CERS5: variants seen among roughly 807,000 people sequenced by gnomAD.
The protein encoded by CERS5 is LAG1 homolog, ceramide synthase 5.
CERS5 carries 37 observed loss-of-function variants against 58.9 expected under a neutral mutation model. That is an observed-to-expected ratio of 0.63 (90% CI 0.48 to 0.83). The LOEUF is 0.83. Among genes scored for constraint, CERS5 ranks in the 40% least tolerant of loss-of-function variants. The pLI, the probability that CERS5 is intolerant of heterozygous loss-of-function variation, is 0.00. For synonymous variants in CERS5, 147 were observed against 177.8 expected (o/e 0.83, Z 1.38); for missense variants, 398 against 489.3 (o/e 0.81, Z 1.76).
At chr12:50,137,590 C>T (rs752153335) in intron 6 of CERS5, 138 bp downstream of exon 6, 26 of 557,218 alleles carry the variant, frequency 4.7e-5, no homozygotes, top group African/African-American at 1.6e-4. Context: ...GGGAACATTA[C>T]GACAAGCTAA....
chr12:50,160,940 C>T (rs928727497), intron 1 of CERS5, among the ~76,000 whole-genome samples: 1 of 152,172 alleles, frequency 6.6e-6, no homozygotes, highest in Non-Finnish European at 1.5e-5. Flanking sequence ...AACATGCAAA[C>T]ATAGTATGGT....
chr12:50,166,877 T>TA (rs1426143086), intron 1 of CERS5, among the ~76,000 whole-genome samples: 2 of 152,234 alleles, frequency 1.3e-5, no homozygotes, highest in East Asian at 3.9e-4. Flanking sequence ...GGGCCCAGCA[T>TA]TCCCCTAGAC....
chr12:50,161,784 G>GAAA lies in CERS5; in HGVS notation c.197+5314_197+5316dup, dbSNP rs374177550. 2.0e-4 allele frequency among the ~76,000 whole-genome samples: 18 copies of GAAA among 90,894 alleles called. 2 individuals carry two copies. The highest frequency in any genetic ancestry group is 6.9e-4 in the African/African-American group (15 of 21,682). 59.6% of individuals were successfully genotyped at this position (90,894 alleles called of 152,430 possible). A position where few individuals can be genotyped will look rare whatever the true frequency, so the allele number is the denominator to read the frequency against. ...AGAGTGAGACTCCGTCTCAAAAAAA[G>GAAA]AAAAAAAAAAAAAAAAGCAAAGTTC... is the stretch of plus-strand genomic sequence containing the variant. On this transcript the variant is annotated intron_variant, in intron 1 of 9. Coordinates refer to ENST00000317551, the MANE Select transcript of CERS5 (RefSeq NM_147190.5).
chr12:50,158,494 A>G (rs1938911652), intron 1 of CERS5, among the ~76,000 whole-genome samples: 1 of 152,214 alleles, frequency 6.6e-6, no homozygotes, highest in Non-Finnish European at 1.5e-5. Context: ...TAGATGTTGA[A>G]GAATGAACAG....
intron 9 of CERS5, chr12:50,133,148 C>A: frequency 8.1e-7 from 1 of 1,239,740 alleles, no homozygotes; most frequent in Non-Finnish European, 1.0e-6. Flanking sequence ...AAGTTCTGAG[C>A]CAATGGCAGC....
chr12:50,163,475 G>A (rs1336352278), intron 1 of CERS5, among the ~76,000 whole-genome samples: 2 of 152,106 alleles, frequency 1.3e-5, no homozygotes, highest in African/African-American at 4.8e-5. Context: ...TGGGATTACA[G>A]GTGTGAGCCA....
chr12:50,163,702 G>C (rs1939557085), intron 1 of CERS5, among the ~76,000 whole-genome samples: 1 of 152,050 alleles, frequency 6.6e-6, no homozygotes, highest in Admixed American at 6.6e-5. Context: ...CTGAAGTACA[G>C]TGGTTTGATC....
At chr12:50,148,370 C>CA (rs1249165463) in intron 1 of CERS5, 4 of 182,322 alleles carry the variant, frequency 2.2e-5, no homozygotes. Flanking sequence ...CTGAGGTGGG[C>CA]AGACTGCTTG....
intron 2 of CERS5, chr12:50,143,433 G>T: frequency 2.4e-6 from 1 of 423,700 alleles, no homozygotes; most frequent in Non-Finnish European, 4.1e-6. Flanking sequence ...CCCAAGCTGA[G>T]TAAAAAAGGA....
At chr12:50,144,260 C>T in intron 1 of CERS5, 1 of 480,882 alleles carries the variant, frequency 2.1e-6, no homozygotes, top group Non-Finnish European at 3.7e-6. Context: ...TCACCAGCCT[C>T]AGTCTCCCAA....
chr12:50,153,743 T>A, intron 1 of CERS5: 1 of 230,058 alleles, frequency 4.3e-6, no homozygotes, highest in South Asian at 3.6e-5. Context: ...TCACCTGAGG[T>A]CAGGAGTTTG....
intron 1 of CERS5, chr12:50,165,781 A>G (rs1038856541): frequency 6.9e-5 from 19 of 276,686 alleles, no homozygotes; most frequent in Non-Finnish European, 5.8e-5. Context: ...ATGCTTGGAT[A>G]AAGGCAAAAC....
At chr12:50,159,765 T>C (rs1445392165) in intron 1 of CERS5, among the ~76,000 whole-genome samples, 1 of 151,912 alleles carries the variant, frequency 6.6e-6, no homozygotes, top group African/African-American at 2.4e-5. Context: ...AGCTAATTTT[T>C]GTATTTTTAG....
At chr12:50,166,838 C>A (rs1019148487) in intron 1 of CERS5, among the ~76,000 whole-genome samples, 2 of 152,164 alleles carry the variant, frequency 1.3e-5, no homozygotes, top group Middle Eastern at 3.2e-3. Context: ...TATGACCCCC[C>A]CAATCCAACT....
intron 2 of CERS5, chr12:50,143,692 G>A (rs1391757839): frequency 2.5e-6 from 1 of 400,694 alleles, no homozygotes; most frequent in Non-Finnish European, 4.5e-6. Flanking sequence ...ACCAGATATG[G>A]TATGTGTCTG....
At chr12:50,139,956 C>T (rs952975688) in intron 4 of CERS5, among the ~76,000 whole-genome samples, 1 of 143,380 alleles carries the variant, frequency 7.0e-6, no homozygotes, top group Non-Finnish European at 1.5e-5. Context: ...AACTCCTGGG[C>T]TTAAGTGATC....
rs550945100 is a variant in CERS5, at chr12:50,151,960, A to C, written c.198-7903T>G. ...CGTGCGCGGCCTATACCAACTACTA[A>C]TATTATCAAATAACGTATGGCTGTC... is the stretch of plus-strand genomic sequence containing the variant. On this transcript the variant is annotated intron_variant, in intron 1 of 9. Coordinates refer to ENST00000317551, the MANE Select transcript of CERS5 (RefSeq NM_147190.5). 2.0e-5 allele frequency among the ~76,000 whole-genome samples: 3 copies of C among 152,282 alleles called. No homozygotes were observed. In the East Asian group the frequency reaches 5.8e-4, roughly 29 times the overall value.
chr12:50,163,703 TG>T (rs1175987462), intron 1 of CERS5, among the ~76,000 whole-genome samples: 1 of 152,028 alleles, frequency 6.6e-6, no homozygotes, highest in Non-Finnish European at 1.5e-5. Context: ...TGAAGTACAG[TG>T]GTTTGATCAC....
In CERS5 at chr12:50,134,713, G is replaced by C. The variant is rs373486742; in HGVS notation, c.873-11C>G. The C allele has an allele frequency of 1.3e-4, 217 of 1,609,226 alleles. No homozygotes were observed. The highest frequency in any genetic ancestry group is 1.7e-4 in the Non-Finnish European group (196 of 1,177,202). The stretch of plus-strand genomic sequence containing the variant: ...GTCGTGTTCAGAATCCTAGAAGAGG[G>C]AGGCCAATAGTCAGATTCTAGAGTC... On this transcript the variant is annotated splice_polypyrimidine_tract_variant and intron_variant, in intron 8 of 9. Transcript: ENST00000317551.
Sources: allele counts gnomAD v4.1 joint callset (sites outside exome capture counted in the v4.1 genomes callset), GRCh38; gene constraint gnomAD v4.1.1; transcripts MANE v1.5; gene names NCBI Gene and HGNC (gene_info 2026-07-23, HGNC 2026-07-21).